Variants in PDZD2 observed in about 807,000 individuals in gnomAD.
PDZD2 encodes PDZ domain containing 2, also known as PDZ domain-containing protein 2.
PDZD2 carries 90 observed loss-of-function variants against 220.7 expected under a neutral mutation model. The observed-to-expected ratio is 0.41, with a 90% CI of 0.34 to 0.49. The LOEUF (loss-of-function observed/expected upper bound fraction) is 0.49. PDZD2 is among the 20% of genes least tolerant of loss of function. PDZD2 has a pLI of 0.28. For synonymous variants in PDZD2, 1,375 were observed against 1,450.5 expected, an observed-to-expected ratio of 0.95 and a Z score of 1.18; for missense variants, 3,174 against 3,608.5, an observed-to-expected ratio of 0.88 and a Z score of 3.08.
intron 2 of PDZD2, among the ~76,000 whole-genome samples, chr5:31,853,975 T>A (rs1372448434): frequency 6.6e-6 from 1 of 152,062 alleles, no homozygotes; most frequent in Non-Finnish European, 1.5e-5. Context: ...GTGAAATGTG[T>A]TTTGAGCAGA....
At chr5:31,956,213 G>C (rs1304479109) in intron 2 of PDZD2, among the ~76,000 whole-genome samples, 1 of 152,030 alleles carries the variant, frequency 6.6e-6, no homozygotes, top group East Asian at 1.9e-4. Flanking sequence ...TCAAAGTGGG[G>C]TATTGAAGTC....
intron 1 of PDZD2, among the ~76,000 whole-genome samples, chr5:31,786,468 A>G (rs1753383488): frequency 6.6e-6 from 1 of 152,186 alleles, no homozygotes; most frequent in South Asian, 2.1e-4. Context: ...TATTCTGGAA[A>G]AGCTGGGATA....
chr5:31,918,128 C>A (rs574371103), intron 2 of PDZD2, among the ~76,000 whole-genome samples: 1 of 152,146 alleles, frequency 6.6e-6, no homozygotes, highest in Non-Finnish European at 1.5e-5. Flanking sequence ...TTTAAACAAC[C>A]AGATTTCATG....
At chr5:31,919,238 T>C (rs900309560) in intron 2 of PDZD2, among the ~76,000 whole-genome samples, 1 of 152,186 alleles carries the variant, frequency 6.6e-6, no homozygotes, top group Non-Finnish European at 1.5e-5. Flanking sequence ...TGCAGCTACA[T>C]TGCACATTTT....
In PDZD2 at chr5:31,689,353, AT is replaced by A. The variant is rs1160111594; in HGVS notation, c.-361+49936del. ...TACATATACATATATATATATATAT[AT>A]TTTTTTTTTTTTTTTTTTTAAGTCG... On this transcript the variant is annotated intron_variant, in intron 1 of 24. Coordinates refer to ENST00000438447, the MANE Select transcript of PDZD2 (RefSeq NM_178140.4). Among the ~76,000 whole-genome samples, 238 of 35,130 alleles carry A rather than the reference AT, an allele frequency of 6.8e-3. 5 individuals are homozygous for A. Among genetic ancestry groups the A allele is most frequent in the South Asian group, 0.033 (32 of 972 alleles). The allele number at this position is 35,130 out of a possible 152,430, so 23.0% of individuals were successfully genotyped here.
At chr5:31,874,145 G>A (rs995512165) in intron 2 of PDZD2, among the ~76,000 whole-genome samples, 2 of 152,178 alleles carry the variant, frequency 1.3e-5, no homozygotes, top group African/African-American at 4.8e-5. Context: ...AATCTTTTCT[G>A]TTAAGGTCTT....
intron 2 of PDZD2, among the ~76,000 whole-genome samples, chr5:31,883,823 A>G (rs1351868401): frequency 6.6e-6 from 1 of 152,060 alleles, no homozygotes; most frequent in East Asian, 1.9e-4. Flanking sequence ...GATGGTCTGG[A>G]ACTCCTGGCT....
rs555821849 is a variant in PDZD2, at chr5:32,087,555, A to G, written c.4107A>G (p.Ala1369=). ...SKALEMTGIH[A]PESSQEPSLL... The stretch of plus-strand genomic sequence containing the variant: ...CTCTGGAAATGACAGGAATCCATGC[A>G]CCTGAAAGCTCCCAGGAGCCTTCCC... Residue 1369 remains alanine (A), a synonymous_variant, in exon 20 of 25, where the codon GCA becomes GCG. Coordinates refer to ENST00000438447, the MANE Select transcript of PDZD2 (RefSeq NM_178140.4). The surrounding 1 kb of genome is among the most constrained non-coding windows in gnomAD (Gnocchi z 4.0). 16 of 1,613,834 alleles carry G rather than the reference A, an allele frequency of 9.9e-6. No homozygotes were observed. The South Asian group carries it at 1.4e-4, about 14-fold the overall frequency.
At chr5:31,947,089 G>A (rs1746705669) in intron 2 of PDZD2, among the ~76,000 whole-genome samples, 1 of 152,158 alleles carries the variant, frequency 6.6e-6, no homozygotes, top group African/African-American at 2.4e-5. Context: ...TTATGGATGA[G>A]GAAACTAAGG....
chr5:31,827,014 C>T (rs1030123415), intron 2 of PDZD2, among the ~76,000 whole-genome samples: 1 of 152,138 alleles, frequency 6.6e-6, no homozygotes, highest in Non-Finnish European at 1.5e-5. Flanking sequence ...ATAGACAGCA[C>T]GTCCATTCCC....
At chr5:31,905,432 A>G (rs1012410601) in intron 2 of PDZD2, among the ~76,000 whole-genome samples, 1 of 152,158 alleles carries the variant, frequency 6.6e-6, no homozygotes, top group Non-Finnish European at 1.5e-5. Flanking sequence ...CAACCTGAGG[A>G]TGCTGGGGTT....
intron 2 of PDZD2, among the ~76,000 whole-genome samples, chr5:31,967,971 A>T (rs1748909781): frequency 6.6e-6 from 1 of 152,244 alleles, no homozygotes; most frequent in Non-Finnish European, 1.5e-5. Context: ...ATTGCATGGT[A>T]ACATGAATAT....
At chr5:31,849,917 T>TAC (rs1313526119) in intron 2 of PDZD2, among the ~76,000 whole-genome samples, 2 of 22,366 alleles carry the variant, frequency 8.9e-5, no homozygotes, top group South Asian at 1.4e-3. Context: ...TATATATATA[T>TAC]ACATATATAT....
At chr5:32,003,119 C>T (rs1443423153) in intron 5 of PDZD2, among the ~76,000 whole-genome samples, 1 of 35,886 alleles carries the variant, frequency 2.8e-5, no homozygotes, top group African/African-American at 4.3e-5. Flanking sequence ...AAACACACCA[C>T]GCGCCACACA....
At position 31,701,485 on chromosome 5, in the gene PDZD2, G is replaced by T. The variant is rs76868588; in HGVS notation, c.-361+62048G>T. ...TCGGATTACAGGTGTGAGCCACTGC[G>T]CCTGGCTGAGAAGTCCTTTTTCCTG... On this transcript the variant is annotated intron_variant, in intron 1 of 24. Coordinates refer to ENST00000438447, the MANE Select transcript of PDZD2 (RefSeq NM_178140.4). Among the ~76,000 whole-genome samples, 24 of 152,234 alleles carry T rather than the reference G, an allele frequency of 1.6e-4. No individual in the cohort carries two copies. In the East Asian group the frequency reaches 4.4e-3, roughly 28 times the overall value.
chr5:31,990,220 G>T (rs1751103017), intron 3 of PDZD2, among the ~76,000 whole-genome samples: 1 of 152,200 alleles, frequency 6.6e-6, no homozygotes, highest in African/African-American at 2.4e-5. Flanking sequence ...GGTTCCAGCA[G>T]TAATGAGGTC....
At chr5:32,065,509 T>G (rs73074152) in intron 14 of PDZD2, among the ~76,000 whole-genome samples, 3,904 of 152,292 alleles carry the variant, frequency 0.026, 171 homozygotes, top group African/African-American at 0.089. Context: ...TGGCATCAAT[T>G]TAGACACTCA....
intron 1 of PDZD2, among the ~76,000 whole-genome samples, chr5:31,752,079 T>TTTTTTTG (rs1751027701): frequency 8.0e-6 from 1 of 124,534 alleles, no homozygotes; most frequent in Non-Finnish European, 1.7e-5. Flanking sequence ...GTTTGTTTTT[T>TTTTTTTG]TTTTTTTTTT....
intron 1 of PDZD2, among the ~76,000 whole-genome samples, chr5:31,724,439 T>C (rs1748997506): frequency 6.6e-6 from 1 of 151,910 alleles, no homozygotes; most frequent in Non-Finnish European, 1.5e-5. Flanking sequence ...CCGTCTCTAC[T>C]AAAAATACAA....
Sources: allele counts gnomAD v4.1 joint callset (sites outside exome capture counted in the v4.1 genomes callset), GRCh38; gene constraint gnomAD v4.1.1; non-coding constraint Gnocchi (gnomAD v3.1); transcripts MANE v1.5; gene names NCBI Gene and HGNC (gene_info 2026-07-23, HGNC 2026-07-21).